Variants in CAMK2D observed in about 807,000 individuals in gnomAD.
CAMK2D encodes calcium/calmodulin dependent protein kinase II delta, also known as calcium/calmodulin-dependent protein kinase type II subunit delta.
Under a neutral mutation model 84.0 loss-of-function variants are expected in CAMK2D, and 37 were observed. The ratio of observed to expected loss-of-function variants is 0.44; its 90% CI spans 0.34 to 0.58. The LOEUF is 0.58. Among genes scored for constraint, CAMK2D ranks in the 20% least tolerant of loss-of-function variants. The pLI, the probability that CAMK2D is intolerant of heterozygous loss-of-function variation, is 0.02. For synonymous variants in CAMK2D, 202 were observed against 212.5 expected, an observed-to-expected ratio of 0.95 and a Z score of 0.43; for missense variants, 448 against 652.5, an observed-to-expected ratio of 0.69 and a Z score of 3.41.
chr4:113,526,781 ACT>A (rs1290022970), intron 8 of CAMK2D, among the ~76,000 whole-genome samples: 1 of 152,004 alleles, frequency 6.6e-6, no homozygotes. Flanking sequence ...GTGAATCCAA[ACT>A]CTGATAATAC....
chr4:113,515,194 T>A lies in CAMK2D; in HGVS notation c.697-3A>T. On this transcript the variant is annotated splice_region_variant and splice_polypyrimidine_tract_variant and intron_variant, in intron 9 of 20. Coordinates refer to ENST00000511664, the MANE Select transcript of CAMK2D (RefSeq NM_001321571.2). ...GTGTCCCATTCTGGTGATGGAAACT[T>A]CAAAAATATAAATTTATAAAAAGTT... is the stretch of plus-strand genomic sequence containing the variant. The A allele has an allele frequency of 1.9e-6, 3 of 1,582,700 alleles. No homozygotes were observed. Among genetic ancestry groups the A allele is most frequent in the Non-Finnish European group, 2.6e-6 (3 of 1,166,756 alleles).
intron 16 of CAMK2D, among the ~76,000 whole-genome samples, chr4:113,472,843 A>G (rs1279583133): frequency 6.6e-6 from 1 of 152,202 alleles, no homozygotes; most frequent in South Asian, 2.1e-4. Flanking sequence ...CTATTTATTT[A>G]CTTTCTTAAT....
intron 2 of CAMK2D, among the ~76,000 whole-genome samples, chr4:113,688,370 A>C (rs561366545): frequency 2.0e-5 from 3 of 152,338 alleles, no homozygotes; most frequent in Non-Finnish European, 4.4e-5. Flanking sequence ...AAATATGTGA[A>C]AATAAAATAG....
intron 4 of CAMK2D, among the ~76,000 whole-genome samples, chr4:113,586,022 T>C (rs903475415): frequency 4.6e-5 from 7 of 152,198 alleles, no homozygotes; most frequent in Non-Finnish European, 7.4e-5. Flanking sequence ...CTGACTGTAG[T>C]GGACCTATGC....
rs538255342 is a variant in CAMK2D, at chr4:113,674,852, C to A, written c.161-13080G>T. Among the ~76,000 whole-genome samples, 10 of 152,064 alleles carry A rather than the reference C, an allele frequency of 6.6e-5. 1 individual carries two copies. The South Asian group carries it at 2.1e-3, about 32-fold the overall frequency. On this transcript the variant is annotated intron_variant, in intron 2 of 20. Coordinates refer to ENST00000511664, the MANE Select transcript of CAMK2D (RefSeq NM_001321571.2). ...TAACAGAAATCAATGACTACTCCCC[C>A]CGAGAGAATAAACAACAGAGGCACT...
chr4:113,598,593 A>G (rs1405738084), intron 4 of CAMK2D, among the ~76,000 whole-genome samples: 1 of 152,232 alleles, frequency 6.6e-6, no homozygotes, highest in Non-Finnish European at 1.5e-5. Flanking sequence ...TTGAGAGGAT[A>G]AGAAAAGCTG....
intron 2 of CAMK2D, among the ~76,000 whole-genome samples, chr4:113,698,391 T>A (rs763775561): frequency 2.4e-4 from 37 of 152,080 alleles, no homozygotes; most frequent in Non-Finnish European, 4.0e-4. Context: ...CTCAAATTCA[T>A]CATCCGTAAA....
At chr4:113,546,055 A>G (rs2098566544) in intron 6 of CAMK2D, among the ~76,000 whole-genome samples, 1 of 152,208 alleles carries the variant, frequency 6.6e-6, no homozygotes. Flanking sequence ...TCCACAAAAA[A>G]TATCTTTAAA....
chr4:113,652,258 T>C (rs1292886933), intron 3 of CAMK2D, among the ~76,000 whole-genome samples: 1 of 152,178 alleles, frequency 6.6e-6, no homozygotes, highest in Non-Finnish European at 1.5e-5. Context: ...ACAAGAATGA[T>C]ATTTGTTTGT....
At chr4:113,471,472 G>C (rs2097545992) in intron 16 of CAMK2D, among the ~76,000 whole-genome samples, 1 of 152,030 alleles carries the variant, frequency 6.6e-6, no homozygotes, top group Non-Finnish European at 1.5e-5. Context: ...TGCCCAAAAT[G>C]AACCTCAGTA....
intron 2 of CAMK2D, among the ~76,000 whole-genome samples, chr4:113,669,635 G>A (rs2099271731): frequency 1.3e-5 from 2 of 152,144 alleles, no homozygotes; most frequent in Admixed American, 1.3e-4. Flanking sequence ...TGGTGTTGCT[G>A]TCTTCCTTTC....
intron 3 of CAMK2D, among the ~76,000 whole-genome samples, chr4:113,655,432 G>C (rs1375310567): frequency 6.6e-6 from 1 of 151,874 alleles, no homozygotes; most frequent in African/African-American, 2.4e-5. Flanking sequence ...GGGGTTCCAG[G>C]GTATCACTAA....
chr4:113,633,407 T>C (rs1241349256), intron 3 of CAMK2D, among the ~76,000 whole-genome samples: 2 of 152,208 alleles, frequency 1.3e-5, no homozygotes, highest in East Asian at 3.9e-4. Flanking sequence ...ACAACGTCAA[T>C]GCAGGAAAGA....
intron 6 of CAMK2D, among the ~76,000 whole-genome samples, chr4:113,540,522 C>G (rs1052374603): frequency 2.6e-5 from 4 of 152,188 alleles, no homozygotes; most frequent in African/African-American, 9.7e-5. Flanking sequence ...GGTTCATGTC[C>G]TGGCCCTAAC....
chr4:113,617,731 G>A (rs2099027308), intron 3 of CAMK2D, among the ~76,000 whole-genome samples: 1 of 151,888 alleles, frequency 6.6e-6, no homozygotes, highest in South Asian at 2.1e-4. Context: ...TGAATGCCTG[G>A]TTCAAGCAAT....
chr4:113,550,034 A>G lies in CAMK2D; in HGVS notation c.341+1997T>C, dbSNP rs545862394. Among the ~76,000 whole-genome samples, 3 of 152,350 alleles carry G rather than the reference A, an allele frequency of 2.0e-5. No homozygotes were observed. In the East Asian group the frequency reaches 5.8e-4, roughly 29 times the overall value. ...CTTCCTGTTCTCAAACAACAAGCAT[A>G]AATTATTGAATCTTGGGAATAACAG... is the stretch of plus-strand genomic sequence containing the variant. On this transcript the variant is annotated intron_variant, in intron 5 of 20. Transcript: ENST00000511664.
intron 16 of CAMK2D, among the ~76,000 whole-genome samples, chr4:113,493,239 G>A (rs182756620): frequency 3.3e-5 from 5 of 151,836 alleles, no homozygotes; most frequent in African/African-American, 1.2e-4. Flanking sequence ...TCCTAGTCTC[G>A]ATGGTCTTTA....
At chr4:113,658,736 T>C (rs553955154) in intron 3 of CAMK2D, among the ~76,000 whole-genome samples, 40 of 152,294 alleles carry the variant, frequency 2.6e-4, no homozygotes, top group African/African-American at 9.1e-4. Flanking sequence ...CAGGTGAATT[T>C]GCCAGTGTTA....
intron 16 of CAMK2D, among the ~76,000 whole-genome samples, chr4:113,490,788 T>C (rs1445863608): frequency 7.5e-6 from 1 of 132,592 alleles, no homozygotes; most frequent in Non-Finnish European, 1.6e-5. Flanking sequence ...GGAATGTTCT[T>C]CCATTTGTTT....
Sources: allele counts gnomAD v4.1 joint callset (sites outside exome capture counted in the v4.1 genomes callset), GRCh38; gene constraint gnomAD v4.1.1; transcripts MANE v1.5; gene names NCBI Gene and HGNC (gene_info 2026-07-23, HGNC 2026-07-21).